BST2: variants seen among roughly 807,000 people sequenced by gnomAD.
The protein encoded by BST2 is bone marrow stromal antigen 2.
BST2 carries 10 observed loss-of-function variants against 18.6 expected under a neutral mutation model. The observed-to-expected ratio is 0.54, with a 90% CI of 0.33 to 0.91. The LOEUF is 0.91. Among genes scored for constraint, BST2 ranks in the 40% least tolerant of loss-of-function variants. BST2 has a pLI of 0.02. For synonymous variants in BST2, 75 were observed against 96.8 expected, an observed-to-expected ratio of 0.77 and a Z score of 1.32; for missense variants, 183 against 228.4, an observed-to-expected ratio of 0.80 and a Z score of 1.28.
rs111617488 is a variant in BST2 at position 17,405,591 on chromosome 19, A to ACCTGAAAG, written c.-17_-16insCTTTCAGG. 73 of 1,598,320 alleles carry ACCTGAAAG rather than the reference A, an allele frequency of 4.6e-5. 2 individuals are homozygous for ACCTGAAAG. In the Admixed American group the frequency reaches 1.2e-3, roughly 27 times the overall value. On this transcript the variant is annotated 5_prime_UTR_variant, in exon 1 of 5. Coordinates refer to ENST00000252593, the MANE Select transcript of BST2 (RefSeq NM_004335.4). ...TAGATGCCATCCAGATCTCCCCTTT[A>ACCTGAAAG]GAGTCTGGCCTGGAGTTAGGGGAGG...
At chr19:17,404,224 T>A in intron 2 of BST2, 35 bp from the exon 3 acceptor site, 2 of 1,589,430 alleles carry the variant, frequency 1.3e-6, no homozygotes, top group Non-Finnish European at 1.7e-6. Context: ...AGGGGGCGGG[T>A]CAGCATGTGG....
intron 4 of BST2, 91 bp from the exon 5 acceptor site, chr19:17,403,417 T>G (rs2074707191): frequency 1.3e-6 from 1 of 749,510 alleles, no homozygotes. Context: ...CCCCCATCGC[T>G]AGACCCGCCC....
Position 17,403,778 on chromosome 19 carries a change from A to G in BST2, c.460T>C (p.Tyr154His), listed in dbSNP as rs201381365. 8.1e-6 allele frequency: 13 copies of G among 1,613,986 alleles called. No homozygotes were observed. The Admixed American group carries it at 1.8e-4, about 23-fold the overall frequency. The part of the protein sequence containing the change: ...LSVRIADKKY[Y>H]PSSQDSSSAA... Reference sequence around the variant, plus strand: ...GAGCTGGAGTCCTGGGAGCTGGGGTAGTACTTCTTGTCCGCGATTCTCACG... The same window carrying G: ...GAGCTGGAGTCCTGGGAGCTGGGGTGGTACTTCTTGTCCGCGATTCTCACG... Residue 154 changes from tyrosine to histidine, a missense_variant, in exon 4 of 5, where the codon TAC (tyrosine) becomes CAC (histidine). By Grantham distance (83) the Tyr-to-His change is moderately conservative. Transcript: ENST00000252593.
rs189347354 is a variant in BST2 at position 17,404,155 on chromosome 19, G to C, written c.387C>G (p.Asp129Glu). ...EITTLNHKLQ[D>E]ASAEVERLRR... Reference sequence around the variant, plus strand: ...TCAGTCGCTCCACCTCTGCAGACGCGTCCTGAAGCTTATGGTTTAATGTAG... The same window carrying C: ...TCAGTCGCTCCACCTCTGCAGACGCCTCCTGAAGCTTATGGTTTAATGTAG... The change falls in exon 3 of 5, where the codon GAC becomes GAG. Residue 129 changes from aspartate to glutamate, a missense_variant. Physicochemically the swap from Asp to Glu is conservative, Grantham distance 45 (BLOSUM62 2). Coordinates refer to ENST00000252593, the MANE Select transcript of BST2 (RefSeq NM_004335.4). 1.4e-4 allele frequency: 227 copies of C among 1,598,846 alleles called. 4 individuals carry two copies. The Middle Eastern group carries it at 1.5e-3, about 10-fold the overall frequency.
intron 4 of BST2, 72 bp downstream of exon 4, chr19:17,403,608 C>T (rs914515026): frequency 1.9e-6 from 3 of 1,545,420 alleles, no homozygotes; most frequent in South Asian, 1.2e-5. Flanking sequence ...CTCTAGACTT[C>T]GGAGCCTCTG....
In BST2 at chr19:17,403,736, G is replaced by A; in HGVS notation, c.502C>T (p.Leu168=). 6.2e-7 allele frequency: 1 copy of A among 1,613,878 alleles called. No homozygotes were observed. The highest frequency in any genetic ancestry group is 2.2e-5 in the East Asian group (1 of 44,860). ...CTGAGGCCCAGCAGCACAATCAGCA[G>A]CTGGGGCGCCGCAGCGGAGCTGGAG... ...QDSSSAAAPQ[L]LIVLLGLSAL... Residue 168 remains leucine, a synonymous_variant, in exon 4 of 5, where the codon CTG becomes TTG. Transcript: ENST00000252593.
At chr19:17,404,517 C>G (rs1227985058) in intron 1 of BST2, 80 bp from the exon 2 acceptor site, 1 of 1,606,706 alleles carries the variant, frequency 6.2e-7, no homozygotes, top group African/African-American at 1.3e-5. Context: ...TCCCTAGGTC[C>G]TGGGGACAGA....
At chr19:17,403,915 C>A (rs1829486084) in intron 3 of BST2, 91 bp from the exon 4 acceptor site, 1 of 1,504,430 alleles carries the variant, frequency 6.6e-7, no homozygotes, top group Admixed American at 1.9e-5. Context: ...TCCCCCCGCA[C>A]CGCCCCAATC....
rs773801661 is a variant in BST2, at chr19:17,404,330, G to T, written c.352+41C>A. The stretch of plus-strand genomic sequence containing the variant: ...TGCCCCCACCCCCTCTTCCATACCT[G>T]ACTCACCCCTCCCCGGCCCTCTCCC... On this transcript the variant is annotated intron_variant, in intron 2 of 4. Transcript: ENST00000252593. 1.1e-5 allele frequency: 17 copies of T among 1,486,100 alleles called. No homozygotes were observed. In the East Asian group the frequency reaches 3.7e-4, roughly 33 times the overall value. 92.1% of individuals were successfully genotyped at this position (1,486,100 alleles called of 1,614,324 possible). A position where few individuals can be genotyped will look rare whatever the true frequency, so the allele number is the denominator to read the frequency against.
rs1250550040 is a variant in BST2 at position 17,405,288 on chromosome 19, T to C, written c.285+3A>G. ...GGCCATCCAAAGGAGTTGAGGAGCT[T>C]ACCACAGTGTGGTTGCAGGTGGCGG... On this transcript the variant is annotated splice_donor_region_variant and intron_variant, in intron 1 of 4. Coordinates refer to ENST00000252593, the MANE Select transcript of BST2 (RefSeq NM_004335.4). 2 of 1,607,512 alleles carry C rather than the reference T, an allele frequency of 1.2e-6. No homozygotes were observed. Among genetic ancestry groups the C allele is most frequent in the African/African-American group, 1.3e-5 (1 of 74,926 alleles).
intron 3 of BST2, 24 bp from the exon 4 acceptor site, chr19:17,403,848 G>C (rs2074710094): frequency 6.2e-7 from 1 of 1,603,876 alleles, no homozygotes; most frequent in South Asian, 1.1e-5. Flanking sequence ...GGCAAATCAG[G>C]CATCTGCTCG....
intron 1 of BST2, among the ~76,000 whole-genome samples, 170 bp downstream of exon 1, chr19:17,405,121 C>T (rs1195750181): frequency 6.6e-6 from 1 of 152,196 alleles, no homozygotes; most frequent in Non-Finnish European, 1.5e-5. Context: ...GTTAGGGGCC[C>T]ACAAACCCTG....
chr19:17,403,060 C>T lies in BST2; in HGVS notation c.*282G>A, dbSNP rs1424154480. 3 of 984,854 alleles carry T rather than the reference C, an allele frequency of 3.0e-6. No homozygotes were observed. The South Asian group carries it at 1.4e-4, about 46-fold the overall frequency. The allele number at this position is 984,854 out of a possible 1,614,324, so 61.0% of individuals were successfully genotyped here. A position where few individuals can be genotyped will look rare whatever the true frequency, so the allele number is the denominator to read the frequency against. On this transcript the variant is annotated 3_prime_UTR_variant, in exon 5 of 5. Coordinates refer to ENST00000252593, the MANE Select transcript of BST2 (RefSeq NM_004335.4). ...GGCAGCACATGCCCCCCACACCGCA[C>T]CCCATGCCCAATCTCAGGGTGGGAG...
chr19:17,404,562 C>T (rs2074715175), intron 1 of BST2, 125 bp from the exon 2 acceptor site: 2 of 1,417,016 alleles, frequency 1.4e-6, no homozygotes, highest in African/African-American at 2.8e-5. Flanking sequence ...AGGTTTTCTT[C>T]CAACCCTCTC....
rs907167112 is a variant in BST2, at chr19:17,403,008, C to T, written c.*334G>A. On this transcript the variant is annotated 3_prime_UTR_variant, in exon 5 of 5. Transcript: ENST00000252593. The stretch of plus-strand genomic sequence containing the variant: ...CAAAGACCCCAGAAAAAAGCAACCC[C>T]CCCCGCAAAAAAAACCCATAACAAC... 10 of 985,010 alleles carry T rather than the reference C, an allele frequency of 1.0e-5. No homozygotes were observed. The highest frequency in any genetic ancestry group is 1.2e-5 in the Non-Finnish European group (10 of 829,834). 61.0% of individuals were successfully genotyped at this position (985,010 alleles called of 1,614,324 possible). A position where few individuals can be genotyped will look rare whatever the true frequency, so the allele number is the denominator to read the frequency against.
rs138017823 is a variant in BST2, at chr19:17,404,677, C to T, written c.286-240G>A. 2,690 of 529,196 alleles carry T rather than the reference C, an allele frequency of 5.1e-3. 13 individuals are homozygous for T. Among genetic ancestry groups the T allele is most frequent in the Middle Eastern group, 9.7e-3 (19 of 1,964 alleles). 32.8% of individuals were successfully genotyped at this position (529,196 alleles called of 1,614,324 possible). A position where few individuals can be genotyped will look rare whatever the true frequency, so the allele number is the denominator to read the frequency against. The stretch of plus-strand genomic sequence containing the variant: ...AAATGGGAGTTTTGAGGCCACCCCA[C>T]GTGGAAACTTGGAGGCTATCGATAA... On this transcript the variant is annotated intron_variant, in intron 1 of 4. Coordinates refer to ENST00000252593, the MANE Select transcript of BST2 (RefSeq NM_004335.4).
At chr19:17,404,333 T>G in intron 2 of BST2, 38 bp downstream of exon 2, 1 of 1,304,522 alleles carries the variant, frequency 7.7e-7, no homozygotes, top group Non-Finnish European at 1.1e-6. Flanking sequence ...CATACCTGAC[T>G]CACCCCTCCC....
chr19:17,403,762 T>C lies in BST2; in HGVS notation c.476A>G (p.Asp159Gly). The C allele has an allele frequency of 6.2e-7, 1 of 1,613,450 alleles. No homozygotes were observed. Among genetic ancestry groups the C allele is most frequent in the Non-Finnish European group, 8.5e-7 (1 of 1,179,852 alleles). Residue 159 changes from aspartate to glycine, a missense_variant, in exon 4 of 5, where the codon GAC (aspartate) becomes GGC (glycine). Transcript: ENST00000252593. ...ADKKYYPSSQ[D>G]SSSAAAPQLL... is the part of the protein sequence containing the mutation. The stretch of plus-strand genomic sequence containing the variant: ...CTGGGGCGCCGCAGCGGAGCTGGAG[T>C]CCTGGGAGCTGGGGTAGTACTTCTT...
chr19:17,404,079 G>C, intron 3 of BST2, 50 bp downstream of exon 3: 1 of 1,528,700 alleles, frequency 6.5e-7, no homozygotes, highest in East Asian at 2.4e-5. Context: ...GGATGTGGGG[G>C]TGAGAGGAAT....
Sources: allele counts gnomAD v4.1 joint callset (sites outside exome capture counted in the v4.1 genomes callset), GRCh38; gene constraint gnomAD v4.1.1; transcripts MANE v1.5; gene names NCBI Gene and HGNC (gene_info 2026-07-23, HGNC 2026-07-21).